The following CPS1 variants were observed in gnomAD, a reference collection of about 807,000 sequenced individuals.
The protein encoded by CPS1 is carbamoyl-phosphate synthase 1, also known as carbamoyl-phosphate synthase [ammonia], mitochondrial.
A neutral mutation model predicts 174.6 loss-of-function variants in CPS1; 109 were observed. The observed-to-expected ratio is 0.62, with a 90% CI of 0.53 to 0.73. The LOEUF (loss-of-function observed/expected upper bound fraction) is 0.73. CPS1 is among the 30% of genes least tolerant of loss of function. The pLI is 0.00. For synonymous variants in CPS1, 637 were observed against 632.0 expected (o/e 1.01, Z -0.12); for missense variants, 1,689 against 1,821.9 (o/e 0.93, Z 1.33).
intron 1 of CPS1, among the ~76,000 whole-genome samples, chr2:210,515,268 A>G (rs2105981132): frequency 6.6e-6 from 1 of 151,588 alleles, no homozygotes; most frequent in East Asian, 1.9e-4. Context: ...ATTTCTGTAG[A>G]ATTGAAACAA....
chr2:210,532,167 A>G (rs1390052941), intron 1 of CPS1, among the ~76,000 whole-genome samples: 1 of 152,136 alleles, frequency 6.6e-6, no homozygotes, highest in Non-Finnish European at 1.5e-5. Context: ...GATCACAAAG[A>G]ACTATGAGGC....
At chr2:210,498,864 C>T (rs1277359586) in intron 1 of CPS1, among the ~76,000 whole-genome samples, 2 of 151,802 alleles carry the variant, frequency 1.3e-5, no homozygotes, top group Non-Finnish European at 2.9e-5. Flanking sequence ...GCTGGCAAGC[C>T]AGGATAACAG....
At chr2:210,536,387 C>G (rs937003446) in intron 1 of CPS1, among the ~76,000 whole-genome samples, 46 of 141,034 alleles carry the variant, frequency 3.3e-4, no homozygotes, top group African/African-American at 1.1e-3. Context: ...GTGGCGTGAT[C>G]TCGGCTCACT....
intron 1 of CPS1, among the ~76,000 whole-genome samples, chr2:210,516,343 C>G (rs1695681293): frequency 6.6e-6 from 1 of 151,718 alleles, no homozygotes; most frequent in Non-Finnish European, 1.5e-5. Flanking sequence ...CTTATTCTTT[C>G]TCTCTCACCA....
rs1456249125 is a variant in CPS1 at position 210,612,341 on chromosome 2, G to A, written c.2568+48G>A. ...CAGCTACTAGTTGCTTTTCCAGAAT[G>A]TAGTCAGTCTGGACATTAAAATAAA... On this transcript the variant is annotated intron_variant, in intron 20 of 37. Coordinates refer to ENST00000233072, the MANE Select transcript of CPS1 (RefSeq NM_001875.5). The A allele has an allele frequency of 3.8e-6, 6 of 1,598,444 alleles. No individual in the cohort carries two copies. The East Asian group carries it at 9.0e-5, about 24-fold the overall frequency.
intron 19 of CPS1, 145 bp from the exon 20 acceptor site, chr2:210,611,972 T>C (rs1184462962): frequency 2.0e-5 from 4 of 198,934 alleles, no homozygotes; most frequent in Non-Finnish European, 2.2e-5. Flanking sequence ...AAGGAACACC[T>C]TTTTTTTTTT....
intron 1 of CPS1, among the ~76,000 whole-genome samples, chr2:210,543,898 C>G (rs183995215): frequency 6.6e-6 from 1 of 152,038 alleles, no homozygotes; most frequent in South Asian, 2.1e-4. Flanking sequence ...CACTTCCCCC[C>G]CTCCCGCAAG....
rs377677265 is a variant in CPS1, at chr2:210,595,129, C to T, written c.1264-358C>T. Among the ~76,000 whole-genome samples the T allele has an allele frequency of 5.3e-5, 8 of 151,768 alleles. No individual in the cohort carries two copies. The South Asian group carries it at 1.0e-3, about 20-fold the overall frequency. Reference sequence around the variant, plus strand: ...CCATTTCCTTCATAAACTACACATTCATATCATTATTTAAAATTTAGAAGG... The same window carrying T: ...CCATTTCCTTCATAAACTACACATTTATATCATTATTTAAAATTTAGAAGG... On this transcript the variant is annotated intron_variant, in intron 12 of 37. Transcript: ENST00000233072.
At chr2:210,603,456 T>C (rs1698796826) in intron 16 of CPS1, among the ~76,000 whole-genome samples, 1 of 151,950 alleles carries the variant, frequency 6.6e-6, no homozygotes, top group Non-Finnish European at 1.5e-5. Flanking sequence ...TAAATGTTTC[T>C]TGTTACCATT....
At chr2:210,514,280 G>A (rs992653638) in intron 1 of CPS1, among the ~76,000 whole-genome samples, 2 of 151,934 alleles carry the variant, frequency 1.3e-5, no homozygotes, top group African/African-American at 4.8e-5. Context: ...GGGAAGTGTG[G>A]CCATTTTAAT....
intron 21 of CPS1, among the ~76,000 whole-genome samples, chr2:210,620,369 G>A (rs1161834676): frequency 6.6e-6 from 1 of 152,052 alleles, no homozygotes; most frequent in African/African-American, 2.4e-5. Context: ...TCTTTGAAGG[G>A]GAGAGATAAA....
intron 19 of CPS1, among the ~76,000 whole-genome samples, chr2:210,610,266 T>C (rs899526183): frequency 6.6e-6 from 1 of 151,934 alleles, no homozygotes; most frequent in African/African-American, 2.4e-5. Context: ...AATATTTTCA[T>C]TTGGGGCTTC....
Position 210,663,179 on chromosome 2 carries a change from G to A in CPS1, c.3984G>A (p.Glu1328=), listed in dbSNP as rs1225017097. Residue 1328 remains glutamate (E), a synonymous_variant, in exon 33 of 38, where the codon GAG becomes GAA. Transcript: ENST00000233072. Reference sequence around the variant, plus strand: ...ATGCTGACCCCATTCTGAGATGTGAGATGGCTTCCACTGGAGAGGTAACTA... The same window carrying A: ...ATGCTGACCCCATTCTGAGATGTGAAATGGCTTCCACTGGAGAGGTAACTA... ...LRDADPILRC[E]MASTGEVACF... is the part of the protein sequence containing the mutation. 3 of 1,613,700 alleles carry A rather than the reference G, an allele frequency of 1.9e-6. No homozygotes were observed. The highest frequency in any genetic ancestry group is 1.7e-5 in the Admixed American group (1 of 59,978).
intron 1 of CPS1, among the ~76,000 whole-genome samples, chr2:210,543,007 G>A (rs1333489684): frequency 6.6e-6 from 1 of 152,088 alleles, no homozygotes; most frequent in African/African-American, 2.4e-5. Flanking sequence ...GGCACCTCAT[G>A]CCCCTATAAT....
intron 1 of CPS1, among the ~76,000 whole-genome samples, chr2:210,485,956 T>C (rs1000860017): frequency 1.3e-5 from 2 of 152,014 alleles, no homozygotes; most frequent in African/African-American, 4.8e-5. Flanking sequence ...CTTCTAATTT[T>C]AGCATTCTGG....
intron 1 of CPS1, among the ~76,000 whole-genome samples, chr2:210,478,926 CT>C (rs1480851190): frequency 2.6e-5 from 1 of 39,022 alleles, no homozygotes; most frequent in Non-Finnish European, 8.0e-5. Context: ...CCCCTCCCCC[CT>C]TCCCCCCTCC....
At chr2:210,536,775 T>C (rs1210894443) in intron 1 of CPS1, among the ~76,000 whole-genome samples, 1 of 152,198 alleles carries the variant, frequency 6.6e-6, no homozygotes, top group Non-Finnish European at 1.5e-5. Flanking sequence ...TTAATTTGCC[T>C]GATCTTATAT....
intron 10 of CPS1, among the ~76,000 whole-genome samples, chr2:210,592,567 T>G (rs907900278): frequency 6.6e-6 from 1 of 151,936 alleles, no homozygotes; most frequent in African/African-American, 2.4e-5. Flanking sequence ...GGACTTGAGT[T>G]TACTCTGAAC....
intron 1 of CPS1, among the ~76,000 whole-genome samples, chr2:210,558,136 T>C (rs919742283): frequency 2.0e-5 from 3 of 151,972 alleles, no homozygotes; most frequent in African/African-American, 4.8e-5. Context: ...GCCTTTAACA[T>C]TGAGAAGATT....
Sources: allele counts gnomAD v4.1 joint callset (sites outside exome capture counted in the v4.1 genomes callset), GRCh38; gene constraint gnomAD v4.1.1; transcripts MANE v1.5; gene names NCBI Gene and HGNC (gene_info 2026-07-23, HGNC 2026-07-21).